The following RNF41 variants were observed in gnomAD, a reference collection of about 807,000 sequenced individuals.
RNF41 encodes E3 ubiquitin-protein ligase NRDP1.
A neutral mutation model predicts 33.0 loss-of-function variants in RNF41; 4 were observed. The ratio of observed to expected loss-of-function variants is 0.12; its 90% CI spans 0.06 to 0.28. The LOEUF (loss-of-function observed/expected upper bound fraction) is 0.28. RNF41 is among the 10% of genes least tolerant of loss of function. The pLI, the probability that RNF41 is intolerant of heterozygous loss-of-function variation, is 1.00. For synonymous variants in RNF41, 164 were observed against 153.2 expected, an observed-to-expected ratio of 1.07 and a Z score of -0.52; for missense variants, 228 against 432.6, an observed-to-expected ratio of 0.53 and a Z score of 4.19.
At chr12:56,221,238 C>G (rs187545511) in intron 1 of RNF41, among the ~76,000 whole-genome samples, 1 of 151,980 alleles carries the variant, frequency 6.6e-6, no homozygotes, top group African/African-American at 2.4e-5. Context: ...GCAAACCAAG[C>G]GCAGGGATGT....
At chr12:56,219,054 G>A (rs1869131855) in intron 1 of RNF41, among the ~76,000 whole-genome samples, 11 of 151,348 alleles carry the variant, frequency 7.3e-5, no homozygotes, top group Admixed American at 7.3e-4. Flanking sequence ...TCAGGATGGA[G>A]TGCAGTGATG....
Position 56,206,658 on chromosome 12 carries a change from T to G in RNF41, c.743A>C (p.Glu248Ala). 1 of 1,614,152 alleles carries G rather than the reference T, an allele frequency of 6.2e-7. No homozygotes were observed. The highest frequency in any genetic ancestry group is 1.3e-5 in the African/African-American group (1 of 75,028). The change falls in exon 7 of 7, where the codon GAA becomes GCA. Residue 248 changes from glutamate to alanine, a missense_variant. Glu to Ala is a moderately radical substitution (Grantham distance 107). Transcript: ENST00000345093. The surrounding 1 kb of genome is among the most constrained non-coding windows in gnomAD (Gnocchi z 5.7). ...CPASIVNELI[E>A]NAHERSWPQG... ...GGGCCAGCTACGCTCGTGGGCATTT[T>G]CAATCAGCTCGTTGACAATAGAAGC...
intron 3 of RNF41, among the ~76,000 whole-genome samples, chr12:56,212,027 T>A (rs1868521676): frequency 6.6e-6 from 1 of 152,186 alleles, no homozygotes; most frequent in Admixed American, 6.5e-5. Flanking sequence ...CTCATGCCTG[T>A]AATCCCAGCA....
intron 3 of RNF41, among the ~76,000 whole-genome samples, chr12:56,211,370 C>T (rs552427284): frequency 1.1e-4 from 16 of 151,688 alleles, no homozygotes; most frequent in South Asian, 4.2e-4. Context: ...TATATATATT[C>T]CCTGTGCTCA....
At chr12:56,211,244 T>C (rs1040826538) in intron 3 of RNF41, among the ~76,000 whole-genome samples, 2 of 150,886 alleles carry the variant, frequency 1.3e-5, no homozygotes, top group African/African-American at 2.4e-5. Context: ...GGTGGGAGGA[T>C]GGAGGATGGC....
rs1218228690 is a variant in RNF41, at chr12:56,204,255, G to A, written c.*2192C>T. On this transcript the variant is annotated 3_prime_UTR_variant, in exon 7 of 7. Coordinates refer to ENST00000345093, the MANE Select transcript of RNF41 (RefSeq NM_005785.4). ...GAATTTAGGATAAAGGCAGACCCTGGGAAGCACACAGTTCAGATCACTAGA... is the reference window on the plus strand; with the variant it reads ...GAATTTAGGATAAAGGCAGACCCTGAGAAGCACACAGTTCAGATCACTAGA... The A allele has an allele frequency of 6.6e-6, 1 of 152,186 alleles. No homozygotes were observed. Among genetic ancestry groups the A allele is most frequent in the Non-Finnish European group, 1.5e-5 (1 of 68,076 alleles). The allele number at this position is 152,186 out of a possible 1,614,324, so 9.4% of individuals were successfully genotyped here.
chr12:56,213,427 G>A (rs769360007), intron 3 of RNF41, among the ~76,000 whole-genome samples: 3 of 151,966 alleles, frequency 2.0e-5, no homozygotes, highest in Middle Eastern at 3.2e-3. Context: ...TCTTGAACTC[G>A]TGATCCACCC....
chr12:56,209,163 C>A (rs575965285), intron 4 of RNF41, among the ~76,000 whole-genome samples: 3 of 152,312 alleles, frequency 2.0e-5, no homozygotes, highest in South Asian at 4.1e-4. Flanking sequence ...CCGCACGGGG[C>A]CTATTTATTT....
rs1167418681 is a variant in RNF41, at chr12:56,211,141, C to T, written c.91-573G>A. Among the ~76,000 whole-genome samples, 3 of 151,922 alleles carry T rather than the reference C, an allele frequency of 2.0e-5. No individual in the cohort carries two copies. In the East Asian group the frequency reaches 5.8e-4, roughly 29 times the overall value. ...TGGAGGTTGCAGTGAGCCAAGATCACACCACTGCACTCTAGCCTGGGCAAT... is the reference window on the plus strand; with the variant it reads ...TGGAGGTTGCAGTGAGCCAAGATCATACCACTGCACTCTAGCCTGGGCAAT... On this transcript the variant is annotated intron_variant, in intron 3 of 6. Transcript: ENST00000345093.
chr12:56,207,405 C>G, intron 6 of RNF41: 1 of 831,500 alleles, frequency 1.2e-6, no homozygotes, highest in Non-Finnish European at 1.9e-6. Flanking sequence ...TCACCTAATT[C>G]TGGATAAAGT....
intron 4 of RNF41, among the ~76,000 whole-genome samples, chr12:56,208,865 C>CTT (rs751108778): frequency 3.1e-5 from 4 of 127,476 alleles, no homozygotes; most frequent in African/African-American, 5.8e-5. Flanking sequence ...CGCGCCTGGC[C>CTT]TTTTTTTTTT....
At chr12:56,208,416 C>T in intron 4 of RNF41, 118 bp from the exon 5 acceptor site, 1 of 1,077,616 alleles carries the variant, frequency 9.3e-7, no homozygotes, top group Non-Finnish European at 1.3e-6. Context: ...AAATTTCTAA[C>T]ATTCATTTCA....
chr12:56,221,269 A>G (rs757906429), intron 1 of RNF41, among the ~76,000 whole-genome samples: 5 of 152,100 alleles, frequency 3.3e-5, no homozygotes, highest in Non-Finnish European at 7.4e-5. Context: ...AGATTCCTTC[A>G]TGGAGGGCTG....
At chr12:56,218,115 G>C (rs1025888673) in intron 1 of RNF41, among the ~76,000 whole-genome samples, 1 of 151,890 alleles carries the variant, frequency 6.6e-6, no homozygotes, top group African/African-American at 2.4e-5. Flanking sequence ...CACCATGCCC[G>C]GCTAATTTTT....
chr12:56,210,791 A>G (rs1276197468), intron 3 of RNF41, among the ~76,000 whole-genome samples: 1 of 152,248 alleles, frequency 6.6e-6, no homozygotes, highest in African/African-American at 2.4e-5. Flanking sequence ...CTGTAATCCC[A>G]GCACTTTGGG....
At chr12:56,208,119 TCTG>T (rs757441709) in intron 5 of RNF41, 41 bp downstream of exon 5, 23 of 1,611,382 alleles carry the variant, frequency 1.4e-5, no homozygotes, top group Non-Finnish European at 1.9e-5. Context: ...CAGGCAGTTA[TCTG>T]CATATGAGGG....
chr12:56,210,399 A>C lies in RNF41; in HGVS notation c.260T>G (p.Val87Gly). The C allele has an allele frequency of 2.5e-6, 4 of 1,614,226 alleles. No homozygotes were observed. Among genetic ancestry groups the C allele is most frequent in the Non-Finnish European group, 3.4e-6 (4 of 1,180,036 alleles). The change falls in exon 4 of 7, where the codon GTG (valine) becomes GGG (glycine). Residue 87 changes from valine to glycine, a missense_variant. Physicochemically the swap from Val to Gly is moderately radical, Grantham distance 109. Transcript: ENST00000345093. Reference sequence around the variant, plus strand: ...CCGGACAACGGCACTACAGCCGAACACAGCGTTGTCACAGGCAATCTGCAG... The same window carrying C: ...CCGGACAACGGCACTACAGCCGAACCCAGCGTTGTCACAGGCAATCTGCAG... ...SKLQIACDNA[V>G]FGCSAVVRLD...
intron 1 of RNF41, among the ~76,000 whole-genome samples, chr12:56,216,954 C>T (rs1868941016): frequency 6.6e-6 from 1 of 151,532 alleles, no homozygotes. Context: ...TCCTGGCTAA[C>T]ACGGTGAAAC....
chr12:56,218,504 C>T (rs1462123056), intron 1 of RNF41, among the ~76,000 whole-genome samples: 3 of 151,312 alleles, frequency 2.0e-5, no homozygotes, highest in Non-Finnish European at 4.4e-5. Context: ...CAGGCTCCAG[C>T]AATCCTCCCA....
Sources: gnomAD v4.1 joint callset for allele counts (sites outside exome capture counted in the v4.1 genomes callset) on GRCh38, gnomAD v4.1.1 for gene constraint, Gnocchi (gnomAD v3.1) non-coding constraint, MANE v1.5 for transcripts, NCBI Gene and HGNC (gene_info 2026-07-23, HGNC 2026-07-21) for gene names.